PSMD1: variants seen among roughly 807,000 people sequenced by gnomAD.
PSMD1 encodes 26S proteasome non-ATPase regulatory subunit 1.
PSMD1 carries 18 observed loss-of-function variants against 119.0 expected under a neutral mutation model. The observed-to-expected ratio is 0.15, with a 90% CI of 0.10 to 0.22. PSMD1 has a LOEUF of 0.22. PSMD1 is among the 10% of genes least tolerant of loss of function. The pLI, the probability that PSMD1 is intolerant of heterozygous loss-of-function variation, is 1.00. For synonymous variants in PSMD1, 374 were observed against 396.6 expected (o/e 0.94, Z 0.68); for missense variants, 702 against 1,158.5 (o/e 0.61, Z 5.72).
chr2:231,161,472 C>A lies in PSMD1; in HGVS notation c.2351C>A (p.Thr784Asn). The change falls in exon 20 of 25, where the codon ACC (threonine) becomes AAC (asparagine). Residue 784 changes from threonine (T) to asparagine (N), a missense_variant. By Grantham distance (65) the Thr-to-Asn change is moderately conservative. Transcript: ENST00000308696. Reference protein sequence around the residue: ...PLSHFLSLAYTPTCVIGLNKD... With the variant: ...PLSHFLSLAYNPTCVIGLNKD... ...TCACACTTCCTGTCATTGGCTTATACCCCTACCTGTGTCATTGGCCTTAAC... is the reference window on the plus strand; with the variant it reads ...TCACACTTCCTGTCATTGGCTTATAACCCTACCTGTGTCATTGGCCTTAAC... 6.2e-7 allele frequency: 1 copy of A among 1,614,020 alleles called. No homozygotes were observed. Among genetic ancestry groups the A allele is most frequent in the Non-Finnish European group, 8.5e-7 (1 of 1,179,988 alleles).
At chr2:231,169,159 T>C (rs79664534) in intron 23 of PSMD1, among the ~76,000 whole-genome samples, 2 of 152,124 alleles carry the variant, frequency 1.3e-5, no homozygotes, top group African/African-American at 4.8e-5. Flanking sequence ...GGATTTTTTT[T>C]TGTGTGTGTG....
At chr2:231,071,476 A>G (rs1257111519) in intron 6 of PSMD1, among the ~76,000 whole-genome samples, 4 of 152,166 alleles carry the variant, frequency 2.6e-5, no homozygotes, top group African/African-American at 7.2e-5. Flanking sequence ...TCCATGTTCT[A>G]ATTCTTCATA....
intron 16 of PSMD1, among the ~76,000 whole-genome samples, chr2:231,126,711 C>A (rs1346390917): frequency 6.6e-6 from 1 of 151,974 alleles, no homozygotes; most frequent in Non-Finnish European, 1.5e-5. Flanking sequence ...CTTTCACTCA[C>A]ATTCACTCAT....
chr2:231,130,330 A>G (rs1356936635), intron 16 of PSMD1, among the ~76,000 whole-genome samples: 1 of 152,238 alleles, frequency 6.6e-6, no homozygotes, highest in Non-Finnish European at 1.5e-5. Context: ...GCTAAGTTAT[A>G]GGTAACACAT....
At chr2:231,091,971 A>C (rs1187211425) in intron 16 of PSMD1, among the ~76,000 whole-genome samples, 1 of 152,202 alleles carries the variant, frequency 6.6e-6, no homozygotes, top group African/African-American at 2.4e-5. Context: ...GCAGGCGTGC[A>C]AGAATCTTTT....
At chr2:231,059,793 C>G (rs1693710189) in intron 1 of PSMD1, among the ~76,000 whole-genome samples, 1 of 152,190 alleles carries the variant, frequency 6.6e-6, no homozygotes, top group Admixed American at 6.5e-5. Flanking sequence ...AGGCTTTTAG[C>G]ATCCTTAGGC....
chr2:231,088,768 G>A (rs1367503287), intron 16 of PSMD1, among the ~76,000 whole-genome samples: 1 of 152,142 alleles, frequency 6.6e-6, no homozygotes, highest in Non-Finnish European at 1.5e-5. Context: ...GCCTCTGAGT[G>A]CTTAAGTGAA....
intron 23 of PSMD1, among the ~76,000 whole-genome samples, chr2:231,168,799 C>T (rs1183289135): frequency 6.6e-6 from 1 of 152,166 alleles, no homozygotes; most frequent in East Asian, 1.9e-4. Context: ...GTTAATATAT[C>T]TCATTTTAAA....
intron 12 of PSMD1, among the ~76,000 whole-genome samples, chr2:231,080,626 G>A (rs549557074): frequency 1.3e-5 from 2 of 152,208 alleles, no homozygotes; most frequent in Non-Finnish European, 2.9e-5. Context: ...GGAAATTAAG[G>A]CCTAAAGAAG....
chr2:231,112,249 C>T (rs958014540), intron 16 of PSMD1, among the ~76,000 whole-genome samples: 1 of 152,074 alleles, frequency 6.6e-6, no homozygotes, highest in Non-Finnish European at 1.5e-5. Flanking sequence ...TATAGTTTTC[C>T]TCCTCTGCAC....
At chr2:231,145,641 C>T (rs989889363) in intron 17 of PSMD1, among the ~76,000 whole-genome samples, 8 of 151,954 alleles carry the variant, frequency 5.3e-5, no homozygotes, top group African/African-American at 1.9e-4. Context: ...CGCCTATAAT[C>T]GCAGCACTTT....
chr2:231,130,061 C>T (rs1695818566), intron 16 of PSMD1, among the ~76,000 whole-genome samples: 1 of 152,152 alleles, frequency 6.6e-6, no homozygotes, highest in African/African-American at 2.4e-5. Flanking sequence ...CTGTGTTGGC[C>T]AGGCTGGTCT....
intron 16 of PSMD1, chr2:231,133,446 G>GA (rs1202326735): frequency 2.0e-5 from 3 of 152,222 alleles, no homozygotes; most frequent in Non-Finnish European, 4.4e-5. Flanking sequence ...CTTAAAGCCT[G>GA]AAAAATTCCC....
At chr2:231,116,662 T>A (rs545811349) in intron 16 of PSMD1, among the ~76,000 whole-genome samples, 4 of 152,204 alleles carry the variant, frequency 2.6e-5, no homozygotes, top group African/African-American at 9.6e-5. Flanking sequence ...AGTGCTGATT[T>A]AAGTAACCCT....
chr2:231,123,929 G>A (rs186576022), intron 16 of PSMD1: 44 of 669,164 alleles, frequency 6.6e-5, no homozygotes, highest in African/African-American at 4.8e-4. Flanking sequence ...TAAAATGAGC[G>A]CATACACACA....
chr2:231,102,123 A>G (rs1375633370), intron 16 of PSMD1, among the ~76,000 whole-genome samples: 1 of 152,152 alleles, frequency 6.6e-6, no homozygotes, highest in African/African-American at 2.4e-5. Flanking sequence ...GGGTCTGGCT[A>G]TGTTTTTTAA....
chr2:231,132,862 CAG>C (rs1461426258), intron 16 of PSMD1, among the ~76,000 whole-genome samples: 2 of 152,124 alleles, frequency 1.3e-5, no homozygotes, highest in Non-Finnish European at 2.9e-5. Context: ...CAATTGGAAA[CAG>C]AAGTAAGATT....
chr2:231,084,862 C>A (rs1376799648), intron 14 of PSMD1, among the ~76,000 whole-genome samples, 157 bp from the exon 15 acceptor site: 1 of 152,052 alleles, frequency 6.6e-6, no homozygotes, highest in African/African-American at 2.4e-5. Context: ...TTTTATTGCC[C>A]CATTTATTTC....
chr2:231,095,830 A>G (rs568391493), intron 16 of PSMD1, among the ~76,000 whole-genome samples: 1 of 152,344 alleles, frequency 6.6e-6, no homozygotes, highest in East Asian at 1.9e-4. Flanking sequence ...TAAGTCATGC[A>G]GAAGTCTCCA....
Sources: gnomAD v4.1 joint callset for allele counts (sites outside exome capture counted in the v4.1 genomes callset) on GRCh38, gnomAD v4.1.1 for gene constraint, MANE v1.5 for transcripts, NCBI Gene and HGNC (gene_info 2026-07-23, HGNC 2026-07-21) for gene names.